Variants in SYN3 observed in about 807,000 individuals in gnomAD.
SYN3 encodes the protein synapsin-3.
In SYN3, 35 loss-of-function variants were observed where a neutral mutation model predicts 65.8. That is an observed-to-expected ratio of 0.53 (90% confidence interval 0.41 to 0.70). The LOEUF is 0.70. SYN3 is among the 30% of genes least tolerant of loss of function. The pLI is 0.00. For synonymous variants in SYN3, 270 were observed against 292.9 expected, an observed-to-expected ratio of 0.92 and a Z score of 0.80; for missense variants, 680 against 749.0, an observed-to-expected ratio of 0.91 and a Z score of 1.08.
At chr22:32,655,964 C>T (rs1250116515) in intron 6 of SYN3, among the ~76,000 whole-genome samples, 4 of 152,090 alleles carry the variant, frequency 2.6e-5, no homozygotes, top group Non-Finnish European at 5.9e-5. Flanking sequence ...CACTTCATGA[C>T]CATTGGAGAA....
At chr22:32,886,123 T>C (rs1249513285) in intron 4 of SYN3, among the ~76,000 whole-genome samples, 1 of 152,240 alleles carries the variant, frequency 6.6e-6, no homozygotes, top group East Asian at 1.9e-4. Flanking sequence ...TAAGCTTGTG[T>C]GTTTTAAAGA....
chr22:32,752,747 G>A (rs903169859), intron 6 of SYN3, among the ~76,000 whole-genome samples: 7 of 152,140 alleles, frequency 4.6e-5, no homozygotes, highest in African/African-American at 1.7e-4. Flanking sequence ...GCTCCTTGTC[G>A]ATCTCTGATC....
intron 8 of SYN3, among the ~76,000 whole-genome samples, chr22:32,541,082 G>T (rs2058246227): frequency 6.6e-6 from 1 of 152,130 alleles, no homozygotes; most frequent in Admixed American, 6.5e-5. Flanking sequence ...ATGAGATGTG[G>T]TTTCTGTTGC....
At chr22:32,976,260 G>A (rs914120455) in intron 3 of SYN3, among the ~76,000 whole-genome samples, 1 of 152,120 alleles carries the variant, frequency 6.6e-6, no homozygotes, top group Non-Finnish European at 1.5e-5. Context: ...GGGTCGTTCT[G>A]GCTTCCTTCA....
intron 2 of SYN3, among the ~76,000 whole-genome samples, chr22:32,981,588 CAATAATAAT>C (rs534663521): frequency 1.1e-4 from 16 of 149,980 alleles, no homozygotes; most frequent in South Asian, 4.3e-4. Context: ...CAGTCTCAAA[CAATAATAAT>C]AATAATAATA....
chr22:32,618,117 G>A (rs2059545663), intron 6 of SYN3, among the ~76,000 whole-genome samples: 1 of 152,086 alleles, frequency 6.6e-6, no homozygotes, highest in South Asian at 2.1e-4. Flanking sequence ...AAGTGAATAC[G>A]GAAATGTATA....
At chr22:32,605,028 A>T (rs1463488410) in intron 6 of SYN3, among the ~76,000 whole-genome samples, 1 of 143,322 alleles carries the variant, frequency 7.0e-6, no homozygotes, top group Non-Finnish European at 1.5e-5. Flanking sequence ...AAAAAAAAAG[A>T]ATTATACATT....
At chr22:32,589,319 C>T (rs942150701) in intron 7 of SYN3, among the ~76,000 whole-genome samples, 1 of 152,198 alleles carries the variant, frequency 6.6e-6, no homozygotes, top group Non-Finnish European at 1.5e-5. Context: ...GTTAATACCA[C>T]AGAATCTCAT....
At chr22:32,774,186 A>G (rs570591165) in intron 6 of SYN3, among the ~76,000 whole-genome samples, 2 of 152,336 alleles carry the variant, frequency 1.3e-5, no homozygotes, top group Admixed American at 1.3e-4. Context: ...TGTAACCTCC[A>G]AAAAGATATG....
At chr22:32,552,286 G>C (rs1245670707) in intron 7 of SYN3, among the ~76,000 whole-genome samples, 1 of 152,086 alleles carries the variant, frequency 6.6e-6, no homozygotes, top group East Asian at 1.9e-4. Flanking sequence ...AAACACTTTA[G>C]AAGGGTGAAT....
intron 1 of SYN3, among the ~76,000 whole-genome samples, chr22:33,019,871 G>A: frequency 6.6e-6 from 1 of 152,120 alleles, no homozygotes; most frequent in Non-Finnish European, 1.5e-5. Flanking sequence ...TGGATTGTAG[G>A]CATGAGCCAC....
At chr22:32,700,504 G>A (rs2060797190) in intron 6 of SYN3, among the ~76,000 whole-genome samples, 1 of 152,120 alleles carries the variant, frequency 6.6e-6, no homozygotes, top group Non-Finnish European at 1.5e-5. Flanking sequence ...GAAATTTAAG[G>A]CAACATTTTA....
Position 33,041,156 on chromosome 22 carries a change from G to A in SYN3, c.-163+17136C>T, listed in dbSNP as rs565325374. On this transcript the variant is annotated intron_variant, in intron 1 of 13. Transcript: ENST00000358763. The stretch of plus-strand genomic sequence containing the variant: ...ATGGTCTCGATCTCCTGACCTCATG[G>A]TCTGCCTGCCTCGGCCTCCCAAAGG... Among the ~76,000 whole-genome samples the A allele has an allele frequency of 7.3e-4, 111 of 151,988 alleles. 4 individuals carry two copies. The South Asian group carries it at 0.021, about 29-fold the overall frequency.
chr22:32,708,623 G>C (rs982190208), intron 6 of SYN3, among the ~76,000 whole-genome samples: 1 of 152,108 alleles, frequency 6.6e-6, no homozygotes. Context: ...TGGGGAGAGA[G>C]GGCTGCCCCA....
rs201302756 is a variant in SYN3 at position 32,748,005 on chromosome 22, G to A, written c.711+116910C>T. ...TCATCACCAAGAGTCCACCAGCCTG[G>A]ACATGGCCTCGTGTCCTGGCATTGT... On this transcript the variant is annotated intron_variant, in intron 6 of 13. Coordinates refer to ENST00000358763, the MANE Select transcript of SYN3 (RefSeq NM_003490.4). Among the ~76,000 whole-genome samples, 6 of 152,210 alleles carry A rather than the reference G, an allele frequency of 3.9e-5. No individual in the cohort carries two copies. The East Asian group carries it at 1.2e-3, about 29-fold the overall frequency.
intron 13 of SYN3, among the ~76,000 whole-genome samples, chr22:32,515,939 C>T (rs569230058): frequency 6.6e-6 from 1 of 152,118 alleles, no homozygotes; most frequent in African/African-American, 2.4e-5. Context: ...GCTGGGACTA[C>T]AGGCGCACGC....
At chr22:33,015,064 CA>C in intron 1 of SYN3, 1 of 173,620 alleles carries the variant, frequency 5.8e-6, no homozygotes, top group Non-Finnish European at 1.3e-5. Context: ...ACTAAAAGTA[CA>C]AAAAAATTAG....
chr22:32,800,126 C>T (rs1324568948), intron 6 of SYN3, among the ~76,000 whole-genome samples: 3 of 152,170 alleles, frequency 2.0e-5, no homozygotes, highest in African/African-American at 7.2e-5. Context: ...ACGAATTCTT[C>T]GGCCTCTGCT....
intron 7 of SYN3, among the ~76,000 whole-genome samples, chr22:32,556,834 T>TTTTTTTTTTTTG (rs1569035464): frequency 7.7e-6 from 1 of 129,290 alleles, no homozygotes; most frequent in East Asian, 2.2e-4. Context: ...TTTTTTTTTT[T>TTTTTTTTTTTTG]TGTGTGTAGA....
Sources: gnomAD v4.1 joint callset for allele counts (sites outside exome capture counted in the v4.1 genomes callset) on GRCh38, gnomAD v4.1.1 for gene constraint, MANE v1.5 for transcripts, NCBI Gene and HGNC (gene_info 2026-07-23, HGNC 2026-07-21) for gene names.